The following CFAP299 variants were observed in gnomAD, a reference collection of about 807,000 sequenced individuals.
The protein encoded by CFAP299 is cilia and flagella associated protein 299.
A neutral mutation model predicts 27.0 loss-of-function variants in CFAP299; 21 were observed. That is an observed-to-expected ratio of 0.78 (90% CI 0.55 to 1.12). The LOEUF (loss-of-function observed/expected upper bound fraction) is 1.12. Among genes scored for constraint, CFAP299 ranks in the 50% most tolerant of loss-of-function variants. The probability of loss-of-function intolerance (pLI) is 0.00; values close to 1 mark genes in which losing one functional copy is unlikely to be tolerated. For synonymous variants in CFAP299, 104 were observed against 98.1 expected, an observed-to-expected ratio of 1.06 and a Z score of -0.36; for missense variants, 310 against 276.6, an observed-to-expected ratio of 1.12 and a Z score of -0.86.
At chr4:80,494,385 G>A (rs1285176893) in intron 2 of CFAP299, among the ~76,000 whole-genome samples, 1 of 152,158 alleles carries the variant, frequency 6.6e-6, no homozygotes, top group African/African-American at 2.4e-5. Flanking sequence ...TCACATAATA[G>A]GCAGTATACA....
chr4:80,399,956 T>C (rs1726050342), intron 2 of CFAP299, among the ~76,000 whole-genome samples: 1 of 152,146 alleles, frequency 6.6e-6, no homozygotes, highest in African/African-American at 2.4e-5. Flanking sequence ...TAAAAGAATA[T>C]ATATTACATC....
chr4:80,669,141 CTTTCTTTCTTTTTTTTTT>C (rs1741314620), intron 3 of CFAP299, among the ~76,000 whole-genome samples: 3 of 30,726 alleles, frequency 9.8e-5, no homozygotes, highest in South Asian at 1.5e-3. Flanking sequence ...GTCTTTCTTT[CTTTCTTTCTTTTTTTTTT>C]TTTTTTTTTT....
At chr4:80,873,355 A>C (rs936207127) in intron 4 of CFAP299, among the ~76,000 whole-genome samples, 1 of 152,174 alleles carries the variant, frequency 6.6e-6, no homozygotes. Context: ...TATAAATGTC[A>C]ATAGACAGCT....
intron 3 of CFAP299, among the ~76,000 whole-genome samples, chr4:80,675,868 C>T (rs1719415511): frequency 6.6e-6 from 1 of 152,192 alleles, no homozygotes; most frequent in Admixed American, 6.5e-5. Context: ...ATAATCTCTT[C>T]ATGTGTTGTT....
intron 1 of CFAP299, among the ~76,000 whole-genome samples, chr4:80,340,045 C>T (rs952230696): frequency 2.0e-5 from 3 of 152,140 alleles, no homozygotes; most frequent in African/African-American, 7.2e-5. Context: ...GCCAAGATGG[C>T]TGACTAGAAG....
the CFAP299 span, among the ~76,000 whole-genome samples, chr4:80,327,880 G>A: frequency 6.6e-6 from 1 of 151,220 alleles, no homozygotes; most frequent in Non-Finnish European, 1.5e-5. Flanking sequence ...TTTAGCCAAG[G>A]TGGTGGAATT....
At chr4:80,926,682 T>G (rs1169461223) in intron 4 of CFAP299, among the ~76,000 whole-genome samples, 2 of 151,980 alleles carry the variant, frequency 1.3e-5, no homozygotes, top group Non-Finnish European at 2.9e-5. Flanking sequence ...ACAAACATGA[T>G]AAGACATTGC....
chr4:80,851,377 ATTCT>A (rs1413485924), intron 3 of CFAP299, among the ~76,000 whole-genome samples: 3 of 152,186 alleles, frequency 2.0e-5, no homozygotes, highest in Non-Finnish European at 4.4e-5. Context: ...TTCTAAGTAA[ATTCT>A]TTCTTTTAAA....
chr4:80,706,217 AT>A (rs1420813205), intron 3 of CFAP299, among the ~76,000 whole-genome samples: 3 of 151,728 alleles, frequency 2.0e-5, no homozygotes, highest in African/African-American at 4.8e-5. Flanking sequence ...ATTTTCTTAT[AT>A]TTGCTAAATA....
intron 2 of CFAP299, among the ~76,000 whole-genome samples, chr4:80,578,447 A>G (rs974847660): frequency 6.6e-6 from 1 of 152,162 alleles, no homozygotes; most frequent in South Asian, 2.1e-4. Context: ...TTGGAGCCAA[A>G]GATCCTTATC....
chr4:80,802,479 G>A (rs1294913791), intron 3 of CFAP299, among the ~76,000 whole-genome samples: 1 of 151,946 alleles, frequency 6.6e-6, no homozygotes, highest in East Asian at 1.9e-4. Context: ...CTGCTATGAT[G>A]TCAGTTCATA....
At position 80,943,347 on chromosome 4, in the gene CFAP299, T is replaced by C. The variant is rs535825305; in HGVS notation, c.477-1463T>C. On this transcript the variant is annotated intron_variant, in intron 4 of 5. Coordinates refer to ENST00000358105, the MANE Select transcript of CFAP299 (RefSeq NM_152770.3). ...ATATTGAAAAATTTGAGAGTAAACA[T>C]TGCACTTTTAGGTAATAATATGAAA... is the stretch of plus-strand genomic sequence containing the variant. Among the ~76,000 whole-genome samples the C allele has an allele frequency of 3.9e-5, 6 of 152,156 alleles. No homozygotes were observed. In the South Asian group the frequency reaches 1.2e-3, roughly 32 times the overall value.
chr4:80,370,036 G>T (rs12171340), intron 2 of CFAP299, among the ~76,000 whole-genome samples: 5 of 152,070 alleles, frequency 3.3e-5, no homozygotes, highest in Non-Finnish European at 2.9e-5. Context: ...GATTCTGCAG[G>T]CTATACAGGA....
At chr4:80,653,049 C>T (rs965010558) in intron 3 of CFAP299, among the ~76,000 whole-genome samples, 2 of 152,150 alleles carry the variant, frequency 1.3e-5, no homozygotes, top group Admixed American at 6.6e-5. Flanking sequence ...ATGTACCCTG[C>T]TTTTGTTGTC....
At chr4:80,695,002 G>A (rs1192281302) in intron 3 of CFAP299, among the ~76,000 whole-genome samples, 1 of 152,032 alleles carries the variant, frequency 6.6e-6, no homozygotes, top group African/African-American at 2.4e-5. Flanking sequence ...AAATCATTAG[G>A]GTTTTCTAAC....
rs535473278 is a variant in CFAP299 at position 80,381,907 on chromosome 4, TTCTA to T, written c.242+19030_242+19033del. On this transcript the variant is annotated intron_variant, in intron 2 of 5. Transcript: ENST00000358105. ...TTCCTTTTTCCTTCTACTATCTTCC[TTCTA>T]TCTATCAGCTATCTATAGTCTGCAT... 1.1e-3 allele frequency among the ~76,000 whole-genome samples: 167 copies of T among 152,322 alleles called. 1 individual carries two copies. Among genetic ancestry groups the T allele is most frequent in the African/African-American group, 3.8e-3 (160 of 41,580 alleles).
At chr4:80,885,767 A>C (rs1213485734) in intron 4 of CFAP299, among the ~76,000 whole-genome samples, 1 of 152,188 alleles carries the variant, frequency 6.6e-6, no homozygotes, top group African/African-American at 2.4e-5. Context: ...TTCTGACTTC[A>C]GGGGTGACCC....
chr4:80,948,470 C>G (rs989425762), intron 5 of CFAP299, among the ~76,000 whole-genome samples: 2 of 151,786 alleles, frequency 1.3e-5, no homozygotes, highest in African/African-American at 2.4e-5. Flanking sequence ...AGTGTATTAT[C>G]TTTAGAAGAA....
intron 3 of CFAP299, among the ~76,000 whole-genome samples, chr4:80,622,908 A>G (rs147199117): frequency 6.6e-6 from 1 of 152,304 alleles, no homozygotes; most frequent in East Asian, 1.9e-4. Context: ...TTTTCTCTCA[A>G]GAAAGGAGGT....
Sources: allele counts gnomAD v4.1 joint callset (sites outside exome capture counted in the v4.1 genomes callset), GRCh38; gene constraint gnomAD v4.1.1; transcripts MANE v1.5; gene names NCBI Gene and HGNC (gene_info 2026-07-23, HGNC 2026-07-21).